Variants in NECAB3 observed in about 807,000 individuals in gnomAD.
NECAB3 encodes N-terminal EF-hand calcium binding protein 3.
In NECAB3, 38 loss-of-function variants were observed where a neutral mutation model predicts 57.2. The ratio of observed to expected loss-of-function variants is 0.66; its 90% CI spans 0.51 to 0.87. The LOEUF (loss-of-function observed/expected upper bound fraction) is 0.87, where lower values mean the gene tolerates loss of function less well. NECAB3 is among the 40% of genes least tolerant of loss of function. The pLI is 0.00. For synonymous variants in NECAB3, 223 were observed against 222.6 expected (o/e 1.00, Z -0.02); for missense variants, 474 against 527.5 (o/e 0.90, Z 0.99).
In NECAB3 at chr20:33,669,696, T is replaced by C; in HGVS notation, c.280A>G (p.Lys94Glu). 1 of 1,596,464 alleles carries C rather than the reference T, an allele frequency of 6.3e-7. No individual in the cohort carries two copies. ...CCATGGGCCTACTCACCACACAGTTTTTCTGTTTCTAAATTGCTGCAGGGA... is the reference window on the plus strand; with the variant it reads ...CCATGGGCCTACTCACCACACAGTTCTTCTGTTTCTAAATTGCTGCAGGGA... ...GHLTDNLETE[K>E]LCDYFSEHLG... Residue 94 changes from lysine to glutamate, a missense_variant, in exon 4 of 12, where the codon AAA becomes GAA. Transcript: ENST00000246190.
chr20:33,661,450 C>G (rs2017472040), intron 5 of NECAB3, among the ~76,000 whole-genome samples: 1 of 152,192 alleles, frequency 6.6e-6, no homozygotes, highest in Non-Finnish European at 1.5e-5. Flanking sequence ...CCTCCTGGGC[C>G]AGGCTTATGA....
chr20:33,658,493 C>T lies in NECAB3; in HGVS notation c.1054G>A (p.Glu352Lys), dbSNP rs1416442098. 1 of 1,614,024 alleles carries T rather than the reference C, an allele frequency of 6.2e-7. No homozygotes were observed. Among genetic ancestry groups the T allele is most frequent in the Non-Finnish European group, 8.5e-7 (1 of 1,179,990 alleles). ...CACTCATACCTTCTCCAGGAGGCCT[C>T]ATCCTGCCAGAACTCATACAGGGTG... is the stretch of plus-strand genomic sequence containing the variant. ...SFTLYEFWQD[E>K]ASWRRHQQSP... Residue 352 changes from glutamate to lysine, a missense_variant, in exon 10 of 12, where the codon GAG (glutamate) becomes AAG (lysine). Physicochemically the swap from Glu to Lys is moderately conservative, Grantham distance 56. Transcript: ENST00000246190.
chr20:33,674,018 G>A (rs2017892305), intron 1 of NECAB3, among the ~76,000 whole-genome samples: 1 of 152,196 alleles, frequency 6.6e-6, no homozygotes. Context: ...GGAGGCAGCA[G>A]GGGCAGTGAC....
intron 5 of NECAB3, chr20:33,663,870 G>A: frequency 1.4e-6 from 2 of 1,390,766 alleles, no homozygotes; most frequent in African/African-American, 1.5e-5. Flanking sequence ...AGCTTTAAAC[G>A]CTTGGCCCGG....
At position 33,657,998 on chromosome 20, in the gene NECAB3, C is replaced by T. The variant is rs1249176303; in HGVS notation, c.1106G>A (p.Arg369His). Residue 369 changes from arginine to histidine, a missense_variant, in exon 11 of 12, where the codon CGC becomes CAC. Transcript: ENST00000246190. ...GGCCCGCAGGTGGTCGATGAGGATG[C>T]GCTGGAAGGCCTTGCTGCCAGGCGA... ...QQSPGSKAFQ[R>H]ILIDHLRAPD... The T allele has an allele frequency of 7.7e-6, 12 of 1,555,100 alleles. No individual in the cohort carries two copies. The highest frequency in any genetic ancestry group is 1.2e-5 in the South Asian group (1 of 84,212).
chr20:33,669,762 G>A, intron 3 of NECAB3, 50 bp from the exon 4 acceptor site: 1 of 1,535,412 alleles, frequency 6.5e-7, no homozygotes. Context: ...GGTAAACTGG[G>A]ACTAATGGGG....
rs1250694695 is a variant in NECAB3, at chr20:33,660,906, C to T, written c.388-511G>A. The stretch of plus-strand genomic sequence containing the variant: ...TGCTGATAAAAGACAATCAGGTTGC[C>T]ATTCTCACTCAGACACACACGCCGG... On this transcript the variant is annotated intron_variant, in intron 5 of 11. Coordinates refer to ENST00000246190, the MANE Select transcript of NECAB3 (RefSeq NM_031232.4). This position sits in a 1 kb window ranked among gnomAD's most constrained non-coding sequence, Gnocchi z 4.1. Among the ~76,000 whole-genome samples, 3 of 152,300 alleles carry T rather than the reference C, an allele frequency of 2.0e-5. No individual in the cohort carries two copies. Among genetic ancestry groups the T allele is most frequent in the African/African-American group, 7.2e-5 (3 of 41,562 alleles).
intron 5 of NECAB3, chr20:33,667,861 C>T: frequency 2.5e-6 from 4 of 1,604,958 alleles, no homozygotes; most frequent in Non-Finnish European, 3.4e-6. Flanking sequence ...TGAGCGCTTC[C>T]GCTGCCCCGA....
intron 5 of NECAB3, among the ~76,000 whole-genome samples, chr20:33,666,238 G>A (rs984573076): frequency 7.9e-5 from 12 of 152,190 alleles, no homozygotes; most frequent in African/African-American, 2.7e-4. Context: ...ACTGGGAGGG[G>A]TAGGGGGCCA....
rs1325466694 is a variant in NECAB3, at chr20:33,659,504, G to A, written c.872C>T (p.Pro291Leu). ...PLREEDLAKG[P>L]DLHILMAQRQ... ...CCCCTCTCCTGGGCTCACCAAGTCA[G>A]GCCCCTTGGCCAGGTCCTCTTCACG... Residue 291 changes from proline to leucine, a missense_variant, in exon 8 of 12, where the codon CCT (proline) becomes CTT (leucine). By Grantham distance (98) the Pro-to-Leu change is moderately conservative. Coordinates refer to ENST00000246190, the MANE Select transcript of NECAB3 (RefSeq NM_031232.4). 6.7e-7 allele frequency: 1 copy of A among 1,482,374 alleles called. No homozygotes were observed. The highest frequency in any genetic ancestry group is 9.0e-7 in the Non-Finnish European group (1 of 1,110,906). The allele number at this position is 1,482,374 out of a possible 1,614,324, so 91.8% of individuals were successfully genotyped here.
chr20:33,665,880 C>A lies in NECAB3; in HGVS notation c.387+3495G>T, dbSNP rs149701011. Among the ~76,000 whole-genome samples, 7 of 152,198 alleles carry A rather than the reference C, an allele frequency of 4.6e-5. No individual in the cohort carries two copies. The East Asian group carries it at 1.2e-3, about 25-fold the overall frequency. On this transcript the variant is annotated intron_variant, in intron 5 of 11. Transcript: ENST00000246190. ...GGTGGATCACCTGAGGTCAGGAGTT[C>A]GAGACCAGCCTGGCCAACGTGGCGA...
intron 2 of NECAB3, among the ~76,000 whole-genome samples, chr20:33,671,270 C>T (rs1486329171): frequency 6.6e-6 from 1 of 152,144 alleles, no homozygotes; most frequent in African/African-American, 2.4e-5. Context: ...CAGCAGCAGG[C>T]TGGCTCAGAA....
At position 33,657,608 on chromosome 20, in the gene NECAB3, C is replaced by CT; in HGVS notation, c.*220dup. Reference sequence around the variant, plus strand: ...CTGAGCCAGGCAGAAGCCAAAGTAGCTTGGAGGCTGAAGTGACAAACAATA... The same window carrying CT: ...CTGAGCCAGGCAGAAGCCAAAGTAGCTTTGGAGGCTGAAGTGACAAACAATA... On this transcript the variant is annotated 3_prime_UTR_variant, in exon 12 of 12. Coordinates refer to ENST00000246190, the MANE Select transcript of NECAB3 (RefSeq NM_031232.4). 2.0e-6 allele frequency: 1 copy of CT among 490,400 alleles called. No homozygotes were observed. The highest frequency in any genetic ancestry group is 3.4e-6 in the Non-Finnish European group (1 of 290,902). The allele number at this position is 490,400 out of a possible 1,614,324, so 30.4% of individuals were successfully genotyped here. A position where few individuals can be genotyped will look rare whatever the true frequency, so the allele number is the denominator to read the frequency against.
intron 8 of NECAB3, 62 bp downstream of exon 8, chr20:33,659,435 C>T (rs2017386411): frequency 7.4e-7 from 1 of 1,359,640 alleles, no homozygotes; most frequent in Non-Finnish European, 9.8e-7. Flanking sequence ...CCCCATGAAT[C>T]CCCAATTCAT....
intron 5 of NECAB3, chr20:33,668,203 G>A: frequency 6.2e-7 from 1 of 1,605,236 alleles, no homozygotes; most frequent in Non-Finnish European, 8.5e-7. Context: ...CCAGGAGTGT[G>A]GCTCCAGGCT....
rs2017326636 is a variant in NECAB3, at chr20:33,657,657, TAATA to T, written c.*168_*171del. ...TAAAATACAGGGATAAATAAATCAA[TAATA>T]AATAGAAAGCAAGCAGCCCAGTCCC... is the stretch of plus-strand genomic sequence containing the variant. On this transcript the variant is annotated 3_prime_UTR_variant, in exon 12 of 12. Coordinates refer to ENST00000246190, the MANE Select transcript of NECAB3 (RefSeq NM_031232.4). 5 of 610,784 alleles carry T rather than the reference TAATA, an allele frequency of 8.2e-6. No homozygotes were observed. Among genetic ancestry groups the T allele is most frequent in the Non-Finnish European group, 1.4e-5 (5 of 366,814 alleles). 37.8% of individuals were successfully genotyped at this position (610,784 alleles called of 1,614,324 possible).
rs41290872 is a variant in NECAB3, at chr20:33,657,900, C to T, written c.1162+42G>A. 1.8e-4 allele frequency: 284 copies of T among 1,548,180 alleles called. 1 individual carries two copies. The highest frequency in any genetic ancestry group is 1.3e-3 in the African/African-American group (94 of 73,140). Reference sequence around the variant, plus strand: ...GGGGTCAGGAGCCCTCAGGAGCCCACTGCCCCTCCAGGGCCACAGTGAGTG... The same window carrying T: ...GGGGTCAGGAGCCCTCAGGAGCCCATTGCCCCTCCAGGGCCACAGTGAGTG... On this transcript the variant is annotated intron_variant, in intron 11 of 11. Coordinates refer to ENST00000246190, the MANE Select transcript of NECAB3 (RefSeq NM_031232.4).
chr20:33,663,237 C>A (rs1435970013), intron 5 of NECAB3: 6 of 496,508 alleles, frequency 1.2e-5, no homozygotes, highest in Non-Finnish European at 2.1e-5. Context: ...TGACATAGGG[C>A]CTGGAAGGGA....
At chr20:33,667,258 C>T in intron 5 of NECAB3, 2 of 438,160 alleles carry the variant, frequency 4.6e-6, no homozygotes, top group South Asian at 6.7e-5. Flanking sequence ...GCCGGTGCTG[C>T]CCGGAGCGCC....
Sources: gnomAD v4.1 joint callset for allele counts (sites outside exome capture counted in the v4.1 genomes callset) on GRCh38, gnomAD v4.1.1 for gene constraint, Gnocchi (gnomAD v3.1) non-coding constraint, MANE v1.5 for transcripts, NCBI Gene and HGNC (gene_info 2026-07-23, HGNC 2026-07-21) for gene names.